ZNF723: variants seen among roughly 807,000 people sequenced by gnomAD.
The protein encoded by ZNF723 is zinc finger protein 723, pseudogene.
In ZNF723, 5 loss-of-function variants were observed where a neutral mutation model predicts 9.4. The ratio of observed to expected loss-of-function variants is 0.53; its 90% confidence interval spans 0.28 to 1.12. ZNF723 has a LOEUF of 1.12. Ranked by LOEUF, ZNF723 falls within the 50% of genes most tolerant of loss-of-function variation. The pLI, the probability that ZNF723 is intolerant of heterozygous loss-of-function variation, is 0.10. For synonymous variants in ZNF723, 158 were observed against 168.8 expected (o/e 0.94, Z 0.49); for missense variants, 450 against 501.5 (o/e 0.90, Z 0.98).
chr19:22,814,281 A>G, the ZNF723 span, among the ~76,000 whole-genome samples: 29,083 of 152,136 alleles, frequency 0.19, 2,721 homozygotes, highest in African/African-American at 0.23. Flanking sequence ...TTCAAACTGT[A>G]TAAAGCCCTA....
At chr19:22,845,166 C>T (rs867201321) in intron 1 of ZNF723, among the ~76,000 whole-genome samples, 1 of 152,072 alleles carries the variant, frequency 6.6e-6, no homozygotes, top group South Asian at 2.1e-4. Flanking sequence ...CCTGCAGAAT[C>T]ACATTACATA....
intron 3 of ZNF723, among the ~76,000 whole-genome samples, chr19:22,850,835 GT>G (rs1967386080): frequency 6.6e-6 from 1 of 151,294 alleles, no homozygotes; most frequent in Non-Finnish European, 1.5e-5. Flanking sequence ...TTTTTATTCT[GT>G]TTCACATGCT....
chr19:22,821,695 G>C, the ZNF723 span, among the ~76,000 whole-genome samples: 3 of 152,176 alleles, frequency 2.0e-5, no homozygotes, highest in African/African-American at 7.2e-5. Flanking sequence ...AGACATTATA[G>C]TCAAGCTTAT....
the ZNF723 span, among the ~76,000 whole-genome samples, chr19:22,823,102 G>T: frequency 0.19 from 28,271 of 152,110 alleles, 3,054 homozygotes; most frequent in African/African-American, 0.3. Flanking sequence ...TAAGAGAGAT[G>T]TTAGCTCTCA....
At chr19:22,818,124 T>A in the ZNF723 span, among the ~76,000 whole-genome samples, 1 of 152,298 alleles carries the variant, frequency 6.6e-6, no homozygotes, top group African/African-American at 2.4e-5. Flanking sequence ...GGAGAGATGA[T>A]GACTCTCATA....
chr19:22,847,108 C>A (rs1376055821), intron 1 of ZNF723, among the ~76,000 whole-genome samples: 1 of 150,990 alleles, frequency 6.6e-6, no homozygotes, highest in African/African-American at 2.4e-5. Context: ...CAGGGCCTCA[C>A]TCTGTTGCCC....
At chr19:22,831,616 T>A (rs1599468989), upstream of ZNF723, among the ~76,000 whole-genome samples, 4 of 148,544 alleles carry the variant, frequency 2.7e-5, no homozygotes, top group African/African-American at 7.4e-5. Flanking sequence ...ATTGCCTTTT[T>A]AAAAAAAATC....
At chr19:22,816,641 C>T in the ZNF723 span, among the ~76,000 whole-genome samples, 1 of 152,218 alleles carries the variant, frequency 6.6e-6, no homozygotes, top group Admixed American at 6.5e-5. Flanking sequence ...TGGGCTCAGC[C>T]CACAGATTGG....
the ZNF723 span, among the ~76,000 whole-genome samples, chr19:22,815,360 C>T: frequency 2.0e-5 from 3 of 152,130 alleles, no homozygotes; most frequent in Admixed American, 2.0e-4. Flanking sequence ...ACCCAGGCAC[C>T]AGGTGATGTG....
At chr19:22,829,818 T>C (rs965120373), upstream of ZNF723, among the ~76,000 whole-genome samples, 2 of 152,152 alleles carry the variant, frequency 1.3e-5, no homozygotes, top group African/African-American at 4.8e-5. Flanking sequence ...TATTGGCAAA[T>C]ATAAGAATGT....
At chr19:22,854,263 A>T (rs1218684359) in intron 3 of ZNF723, among the ~76,000 whole-genome samples, 2 of 152,140 alleles carry the variant, frequency 1.3e-5, no homozygotes, top group Non-Finnish European at 2.9e-5. Flanking sequence ...ATTTTATAAA[A>T]TATGACACTT....
At chr19:22,855,109 T>A (rs1342162066) in intron 3 of ZNF723, among the ~76,000 whole-genome samples, 1 of 152,174 alleles carries the variant, frequency 6.6e-6, no homozygotes, top group Non-Finnish European at 1.5e-5. Context: ...TCTTTAAATT[T>A]TATAGAATAA....
Position 22,832,389 on chromosome 19 carries a change from G to T in ZNF723, c.3+7G>T. The T allele has an allele frequency of 7.2e-7, 1 of 1,383,696 alleles. No homozygotes were observed. Among genetic ancestry groups the T allele is most frequent in the Non-Finnish European group, 1.0e-6 (1 of 987,962 alleles). The allele number at this position is 1,383,696 out of a possible 1,614,324, so 85.7% of individuals were successfully genotyped here. A position where few individuals can be genotyped will look rare whatever the true frequency, so the allele number is the denominator to read the frequency against. ...CCCTGGAAGCCTAGAAATGGTGAGA[G>T]TACCGGGTCCGACATCCCGAGAGAG... On this transcript the variant is annotated splice_region_variant and intron_variant, in intron 1 of 3. Coordinates refer to ENST00000600766, the MANE Select transcript of ZNF723 (RefSeq NM_001349726.2).
rs749267937 is a variant in ZNF723, at chr19:22,857,046, AG to A, written c.227-71del. ...TCTTATGTAGTTTGTATAATTTTAT[AG>A]CTTAGATTTGTAAAGTATATCCATC... On this transcript the variant is annotated intron_variant, in intron 3 of 3. Transcript: ENST00000600766. The A allele has an allele frequency of 6.1e-5, 37 of 609,920 alleles. 1 individual carries two copies. The highest frequency in any genetic ancestry group is 4.0e-4 in the Admixed American group (14 of 34,964). The allele number at this position is 609,920 out of a possible 1,614,324, so 37.8% of individuals were successfully genotyped here.
At chr19:22,814,306 G>T in the ZNF723 span, among the ~76,000 whole-genome samples, 1 of 152,178 alleles carries the variant, frequency 6.6e-6, no homozygotes, top group Non-Finnish European at 1.5e-5. Context: ...AGTACAAAGA[G>T]TGACGTAATA....
At chr19:22,826,212 T>C in the ZNF723 span, among the ~76,000 whole-genome samples, 1 of 152,190 alleles carries the variant, frequency 6.6e-6, no homozygotes, top group Non-Finnish European at 1.5e-5. Flanking sequence ...GTCCTGCCCA[T>C]AGGGGAACTG....
At position 22,849,219 on chromosome 19, in the gene ZNF723, A is replaced by T. The variant is rs1467971509; in HGVS notation, c.152A>T (p.Asp51Val). Residue 51 changes from aspartate (D) to valine (V), a missense_variant, in exon 3 of 4, where the codon GAT (aspartate) becomes GTT (valine). Around this residue, in one of 5 missense-constraint regions of ZNF723, gnomAD observed 143 missense variants for 101.3 expected, o/e 1.41. Coordinates refer to ENST00000600766, the MANE Select transcript of ZNF723 (RefSeq NM_001349726.2). Reference protein sequence around the residue: ...VFLGVGVSKPDLITCLEQGKE... With the variant: ...VFLGVGVSKPVLITCLEQGKE... ...ACAGGTGTTGGTGTCTCTAAGCCAG[A>T]TTTAATCACCTGTCTGGAGCAAGGA... is the stretch of plus-strand genomic sequence containing the variant. The T allele has an allele frequency of 6.2e-6, 4 of 640,408 alleles. No homozygotes were observed. The East Asian group carries it at 8.0e-5, about 13-fold the overall frequency. 39.7% of individuals were successfully genotyped at this position (640,408 alleles called of 1,614,324 possible).
rs1266163761 is a variant in ZNF723, at chr19:22,858,315, A to G, written c.1424A>G (p.His475Arg). 3.4e-6 allele frequency: 4 copies of G among 1,159,456 alleles called. No homozygotes were observed. The highest frequency in any genetic ancestry group is 5.2e-6 in the Non-Finnish European group (4 of 776,012). The allele number at this position is 1,159,456 out of a possible 1,614,324, so 71.8% of individuals were successfully genotyped here. A position where few individuals can be genotyped will look rare whatever the true frequency, so the allele number is the denominator to read the frequency against. Residue 475 changes from histidine (H) to arginine (R), a missense_variant, in exon 4 of 4, where the codon CAT becomes CGT. Physicochemically the swap from His to Arg is conservative, Grantham distance 29. Coordinates refer to ENST00000600766, the MANE Select transcript of ZNF723 (RefSeq NM_001349726.2). ...YSTLNKHKII[H>R]AREKPYKCEE... ...ACCCTTAATAAACATAAGATAATTC[A>G]TGCTAGAGAGAAGCCTTACAAATGT...
chr19:22,814,444 A>G, the ZNF723 span, among the ~76,000 whole-genome samples: 1 of 152,228 alleles, frequency 6.6e-6, no homozygotes, highest in Non-Finnish European at 1.5e-5. Flanking sequence ...GACAGCTGAA[A>G]GTTGGAAAAT....
Sources: allele counts gnomAD v4.1 joint callset (sites outside exome capture counted in the v4.1 genomes callset), GRCh38; gene constraint gnomAD v4.1.1; regional missense constraint gnomAD v4.1.1; transcripts MANE v1.5; gene names NCBI Gene and HGNC (gene_info 2026-07-23, HGNC 2026-07-21).